Variants in RBMS3 observed in about 807,000 individuals in gnomAD.
The protein encoded by RBMS3 is RNA binding motif single stranded interacting protein 3.
In RBMS3, 27 loss-of-function variants were observed where a neutral mutation model predicts 66.8. The ratio of observed to expected loss-of-function variants is 0.40; its 90% CI spans 0.30 to 0.56. The LOEUF (loss-of-function observed/expected upper bound fraction) is 0.56, where lower values mean the gene tolerates loss of function less well. Among genes scored for constraint, RBMS3 ranks in the 20% least tolerant of loss-of-function variants. The pLI is 0.40. For missense variants in RBMS3, 513 were observed against 549.5 expected, an observed-to-expected ratio of 0.93 and a Z score of 0.66; for synonymous variants, 188 against 183.0, an observed-to-expected ratio of 1.03 and a Z score of -0.22.
At chr3:29,389,908 G>C (rs940289090) in intron 1 of RBMS3, among the ~76,000 whole-genome samples, 2 of 152,148 alleles carry the variant, frequency 1.3e-5, no homozygotes, top group Non-Finnish European at 2.9e-5. Context: ...AATAGGGAAT[G>C]GGGCGGGGGC....
At chr3:29,963,828 C>CAAAA (rs759079889) in intron 12 of RBMS3, among the ~76,000 whole-genome samples, 4 of 121,656 alleles carry the variant, frequency 3.3e-5, no homozygotes, top group Non-Finnish European at 5.0e-5. Flanking sequence ...CTGCCCCCTC[C>CAAAA]AAAAAAAAAA....
intron 11 of RBMS3, among the ~76,000 whole-genome samples, chr3:29,936,608 T>C (rs1166131561): frequency 6.6e-6 from 1 of 152,122 alleles, no homozygotes; most frequent in African/African-American, 2.4e-5. Flanking sequence ...GCCAGATCTA[T>C]GACTGATACT....
chr3:29,736,359 G>T (rs1327276607), intron 4 of RBMS3, among the ~76,000 whole-genome samples: 1 of 152,118 alleles, frequency 6.6e-6, no homozygotes, highest in East Asian at 1.9e-4. Flanking sequence ...AGCTTACCAG[G>T]CAATCCCTTA....
intron 4 of RBMS3, among the ~76,000 whole-genome samples, chr3:29,604,360 C>T (rs1199304989): frequency 6.6e-6 from 1 of 151,680 alleles, no homozygotes; most frequent in Non-Finnish European, 1.5e-5. Context: ...TTTATTGTAC[C>T]TCCTTTCTTT....
intron 1 of RBMS3, among the ~76,000 whole-genome samples, chr3:29,290,439 C>T (rs2125422577): frequency 6.6e-6 from 1 of 151,878 alleles, no homozygotes; most frequent in Admixed American, 6.6e-5. Flanking sequence ...GAGAAAACAA[C>T]ATTTCATTTT....
intron 4 of RBMS3, among the ~76,000 whole-genome samples, chr3:29,594,975 T>C (rs542960702): frequency 6.6e-6 from 1 of 152,312 alleles, no homozygotes; most frequent in South Asian, 2.1e-4. Context: ...AATTCTCTGC[T>C]TTCCTAGCAT....
intron 6 of RBMS3, among the ~76,000 whole-genome samples, chr3:29,809,408 A>T (rs1325288167): frequency 2.0e-5 from 3 of 151,382 alleles, no homozygotes; most frequent in African/African-American, 7.2e-5. Flanking sequence ...GGCACCCTTT[A>T]TGTGTGTGCA....
chr3:29,732,855 A>T (rs2054193449), intron 4 of RBMS3, among the ~76,000 whole-genome samples: 1 of 152,184 alleles, frequency 6.6e-6, no homozygotes, highest in Non-Finnish European at 1.5e-5. Context: ...CTGAATAACG[A>T]TATTTATAGG....
chr3:29,739,224 T>C (rs925013676), intron 4 of RBMS3, among the ~76,000 whole-genome samples: 16 of 152,132 alleles, frequency 1.1e-4, no homozygotes, highest in South Asian at 4.2e-4. Context: ...GAGGCCGAGG[T>C]GGGCGGATCA....
At chr3:29,735,697 T>A (rs2149343287) in intron 4 of RBMS3, among the ~76,000 whole-genome samples, 1 of 152,346 alleles carries the variant, frequency 6.6e-6, no homozygotes, top group Admixed American at 6.5e-5. Flanking sequence ...TATTTATTTT[T>A]GTCTCTATAA....
At chr3:29,497,870 A>G (rs1375836795) in intron 3 of RBMS3, among the ~76,000 whole-genome samples, 1 of 151,780 alleles carries the variant, frequency 6.6e-6, no homozygotes, top group African/African-American at 2.4e-5. Flanking sequence ...AATGGAAAGC[A>G]CAAGCTTGGC....
intron 6 of RBMS3, among the ~76,000 whole-genome samples, chr3:29,861,400 C>T (rs1450853812): frequency 1.3e-5 from 2 of 152,042 alleles, no homozygotes; most frequent in Non-Finnish European, 2.9e-5. Context: ...AAGTACCAGA[C>T]CAGTAATGTT....
At chr3:29,322,521 G>A (rs2035067362) in intron 1 of RBMS3, among the ~76,000 whole-genome samples, 2 of 151,744 alleles carry the variant, frequency 1.3e-5, no homozygotes, top group Non-Finnish European at 1.5e-5. Context: ...CATTTTATGA[G>A]TTAAAAATCA....
intron 2 of RBMS3, among the ~76,000 whole-genome samples, chr3:29,450,067 G>C: frequency 6.6e-6 from 1 of 152,190 alleles, no homozygotes; most frequent in East Asian, 1.9e-4. Context: ...CCCCAAGCTA[G>C]TGCCAAGAAG....
In RBMS3 at chr3:29,928,207, T is replaced by TACACAC. The variant is rs1462382952; in HGVS notation, c.940-7878_940-7877insCACACA. 3.9e-3 allele frequency among the ~76,000 whole-genome samples: 439 copies of TACACAC among 112,186 alleles called. 3 individuals are homozygous for TACACAC. Among genetic ancestry groups the TACACAC allele is most frequent in the African/African-American group, 0.014 (405 of 27,990 alleles). 73.6% of individuals were successfully genotyped at this position (112,186 alleles called of 152,430 possible). On this transcript the variant is annotated intron_variant, in intron 10 of 14. Transcript: ENST00000383767. ...ATATATATATATATATATATATATATATATACACACACACACACACACACA... is the reference window on the plus strand; with the variant it reads ...ATATATATATATATATATATATATATACACACATATACACACACACACACACACACA...
intron 1 of RBMS3, among the ~76,000 whole-genome samples, chr3:29,393,805 C>CA (rs1222832836): frequency 1.3e-5 from 2 of 152,056 alleles, no homozygotes; most frequent in African/African-American, 4.8e-5. Context: ...GCCACAAAAC[C>CA]AGCAAGTTTT....
At chr3:29,933,290 A>T (rs184945786) in intron 10 of RBMS3, among the ~76,000 whole-genome samples, 1 of 152,188 alleles carries the variant, frequency 6.6e-6, no homozygotes, top group Non-Finnish European at 1.5e-5. Context: ...CATGCTAACC[A>T]TAAGGCTTTT....
chr3:29,529,214 C>T (rs529245902), intron 3 of RBMS3, among the ~76,000 whole-genome samples: 53 of 152,228 alleles, frequency 3.5e-4, no homozygotes, highest in Admixed American at 7.2e-4. Flanking sequence ...TGTAACTGTT[C>T]AGACAAGGGG....
intron 12 of RBMS3, among the ~76,000 whole-genome samples, chr3:29,972,567 T>C (rs2034441): frequency 0.044 from 6,751 of 151,780 alleles, 255 homozygotes; most frequent in East Asian, 0.17. Context: ...ATCTCTTGAC[T>C]AAAAAAACAG....
Sources: gnomAD v4.1 joint callset for allele counts (sites outside exome capture counted in the v4.1 genomes callset) on GRCh38, gnomAD v4.1.1 for gene constraint, MANE v1.5 for transcripts, NCBI Gene and HGNC (gene_info 2026-07-23, HGNC 2026-07-21) for gene names.